EBF1: variants seen among roughly 807,000 people sequenced by gnomAD.
The protein encoded by EBF1 is transcription factor COE1.
Under a neutral mutation model 68.4 loss-of-function variants are expected in EBF1, and 10 were observed. The ratio of observed to expected loss-of-function variants is 0.15; its 90% confidence interval spans 0.09 to 0.25. EBF1 has a LOEUF of 0.25. Among genes scored for constraint, EBF1 ranks in the 10% least tolerant of loss-of-function variants. EBF1 has a pLI of 1.00. For synonymous variants in EBF1, 298 were observed against 299.8 expected, an observed-to-expected ratio of 0.99 and a Z score of 0.06; for missense variants, 509 against 794.4, an observed-to-expected ratio of 0.64 and a Z score of 4.32.
Position 158,711,543 on chromosome 5 carries a change from G to A in EBF1, c.1549+611C>T, listed in dbSNP as rs1202768418. Reference sequence around the variant, plus strand: ...ACAGATGAGAAAATTGAGGCTTGGAGAGGAAATGAACTTGATTCCTTTTAT... The same window carrying A: ...ACAGATGAGAAAATTGAGGCTTGGAAAGGAAATGAACTTGATTCCTTTTAT... On this transcript the variant is annotated intron_variant, in intron 14 of 15. Transcript: ENST00000313708. 2.0e-5 allele frequency among the ~76,000 whole-genome samples: 3 copies of A among 152,236 alleles called. No homozygotes were observed. The East Asian group carries it at 5.8e-4, about 29-fold the overall frequency.
At chr5:158,703,570 G>T (rs1323338365) in intron 15 of EBF1, among the ~76,000 whole-genome samples, 2 of 148,320 alleles carry the variant, frequency 1.3e-5, no homozygotes, top group African/African-American at 2.5e-5. Flanking sequence ...CATTTTGTGA[G>T]GCTCCAGAAG....
At chr5:159,089,819 A>G (rs1215131649) in intron 4 of EBF1, among the ~76,000 whole-genome samples, 1 of 151,898 alleles carries the variant, frequency 6.6e-6, no homozygotes, top group Non-Finnish European at 1.5e-5. Flanking sequence ...AAAGAAGGAA[A>G]GAAAGAAAGA....
chr5:159,063,508 A>C (rs539346156), intron 6 of EBF1, among the ~76,000 whole-genome samples: 1 of 152,224 alleles, frequency 6.6e-6, no homozygotes, highest in East Asian at 1.9e-4. Context: ...TACTATTCCA[A>C]CTATTTTTGG....
chr5:159,034,547 C>T (rs925476430), intron 6 of EBF1, among the ~76,000 whole-genome samples: 3 of 152,178 alleles, frequency 2.0e-5, no homozygotes, highest in South Asian at 2.1e-4. Flanking sequence ...TCCAGTGAAG[C>T]GGCTCAGTGA....
chr5:158,941,558 C>A (rs944703845), intron 6 of EBF1, among the ~76,000 whole-genome samples: 6 of 152,200 alleles, frequency 3.9e-5, no homozygotes, highest in Admixed American at 3.9e-4. Flanking sequence ...ATCCAAAGAT[C>A]CTTGATCCTA....
At chr5:158,913,732 T>C (rs1486007504) in intron 6 of EBF1, among the ~76,000 whole-genome samples, 1 of 152,218 alleles carries the variant, frequency 6.6e-6, no homozygotes, top group African/African-American at 2.4e-5. Context: ...AAGGATACAG[T>C]GCCTATTCAG....
At chr5:158,764,553 C>T (rs572370498) in intron 10 of EBF1, among the ~76,000 whole-genome samples, 18 of 152,268 alleles carry the variant, frequency 1.2e-4, no homozygotes, top group East Asian at 5.8e-4. Context: ...GACAAGGACA[C>T]GGCCTTCAGG....
At position 158,757,186 on chromosome 5, in the gene EBF1, A is replaced by G. The variant is rs572405975; in HGVS notation, c.1036+20227T>C. 2.8e-3 allele frequency among the ~76,000 whole-genome samples: 424 copies of G among 152,230 alleles called. 1 individual carries two copies. The highest frequency in any genetic ancestry group is 4.7e-3 in the Non-Finnish European group (319 of 68,002). On this transcript the variant is annotated intron_variant, in intron 10 of 15. Transcript: ENST00000313708. ...GGAGAAAAGGGCTTCAGTGGCATCC[A>G]GGGCTTCAAAAGGCATGCTACATGC... is the stretch of plus-strand genomic sequence containing the variant.
chr5:158,775,209 A>AT (rs879320982), intron 10 of EBF1, among the ~76,000 whole-genome samples: 116 of 147,390 alleles, frequency 7.9e-4, no homozygotes, highest in African/African-American at 1.9e-3. Flanking sequence ...ACTGATGGCA[A>AT]TTTTTTTTTT....
intron 8 of EBF1, among the ~76,000 whole-genome samples, chr5:158,813,422 A>T (rs1470444180): frequency 6.6e-6 from 1 of 152,176 alleles, no homozygotes; most frequent in Non-Finnish European, 1.5e-5. Flanking sequence ...AGAAGAATGC[A>T]GGGTGAGAGC....
At chr5:158,878,147 T>A (rs748987324) in intron 6 of EBF1, among the ~76,000 whole-genome samples, 1 of 152,070 alleles carries the variant, frequency 6.6e-6, no homozygotes, top group African/African-American at 2.4e-5. Context: ...GTATTTTCCC[T>A]AGTAATAAAT....
chr5:158,787,273 G>A (rs1193885114), intron 9 of EBF1, among the ~76,000 whole-genome samples: 1 of 152,124 alleles, frequency 6.6e-6, no homozygotes, highest in African/African-American at 2.4e-5. Flanking sequence ...CAGTAATATA[G>A]TTCTGTGTTT....
chr5:158,822,510 C>G (rs915905496), intron 8 of EBF1, among the ~76,000 whole-genome samples: 5 of 152,192 alleles, frequency 3.3e-5, no homozygotes, highest in Non-Finnish European at 5.9e-5. Flanking sequence ...CTCAAAGGCA[C>G]CACTGATTAG....
intron 4 of EBF1, 47 bp from the exon 5 acceptor site, chr5:159,084,786 G>GGA: frequency 4.6e-6 from 5 of 1,079,010 alleles, no homozygotes; most frequent in Non-Finnish European, 5.0e-6. Flanking sequence ...AGGAGTAGCA[G>GGA]AAAAAAAAAA....
intron 5 of EBF1, 53 bp from the exon 6 acceptor site, chr5:159,073,517 C>T: frequency 6.2e-7 from 1 of 1,601,144 alleles, no homozygotes; most frequent in Non-Finnish European, 8.6e-7. Flanking sequence ...GTAAAATCAT[C>T]ATTTAGGCAG....
chr5:158,848,432 ATTTT>A (rs146053894), intron 6 of EBF1, among the ~76,000 whole-genome samples: 100 of 152,306 alleles, frequency 6.6e-4, no homozygotes, highest in Non-Finnish European at 1.1e-3. Flanking sequence ...AAATTTTAAT[ATTTT>A]TTGAGTTTGC....
chr5:158,739,132 A>G (rs775615959), intron 10 of EBF1, among the ~76,000 whole-genome samples: 1 of 152,246 alleles, frequency 6.6e-6, no homozygotes, highest in Non-Finnish European at 1.5e-5. Flanking sequence ...AGAGAGAAAG[A>G]GACACAAATG....
At chr5:158,761,281 C>T (rs1771384489) in intron 10 of EBF1, among the ~76,000 whole-genome samples, 1 of 152,190 alleles carries the variant, frequency 6.6e-6, no homozygotes, top group Admixed American at 6.5e-5. Flanking sequence ...AAAACATCAG[C>T]AAATCAAATC....
At chr5:158,863,059 C>T (rs1245947468) in intron 6 of EBF1, among the ~76,000 whole-genome samples, 2 of 152,160 alleles carry the variant, frequency 1.3e-5, no homozygotes, top group Non-Finnish European at 1.5e-5. Context: ...CAATTTGGCA[C>T]CAAAAACCCA....
Sources: gnomAD v4.1 joint callset for allele counts (sites outside exome capture counted in the v4.1 genomes callset) on GRCh38, gnomAD v4.1.1 for gene constraint, MANE v1.5 for transcripts, NCBI Gene and HGNC (gene_info 2026-07-23, HGNC 2026-07-21) for gene names.